Variants in SLC35F1 observed in about 807,000 individuals in gnomAD.
SLC35F1 encodes chromosome 6 open reading frame 169.
In SLC35F1, 14 loss-of-function variants were observed where a neutral mutation model predicts 48.7. The ratio of observed to expected loss-of-function variants is 0.29; its 90% confidence interval spans 0.19 to 0.45. The LOEUF (loss-of-function observed/expected upper bound fraction) is 0.45, where lower values mean the gene tolerates loss of function less well. SLC35F1 is among the 20% of genes least tolerant of loss of function. SLC35F1 has a pLI of 1.00. For missense variants in SLC35F1, 404 were observed against 500.0 expected, an observed-to-expected ratio of 0.81 and a Z score of 1.83; for synonymous variants, 190 against 202.2, an observed-to-expected ratio of 0.94 and a Z score of 0.51.
chr6:118,086,726 T>C (rs1408076917), intron 1 of SLC35F1, among the ~76,000 whole-genome samples: 1 of 152,226 alleles, frequency 6.6e-6, no homozygotes, highest in African/African-American at 2.4e-5. Context: ...TCTTTCCTCT[T>C]ACTGAGGTTT....
intron 1 of SLC35F1, among the ~76,000 whole-genome samples, chr6:117,958,378 CT>C (rs1243890041): frequency 9.9e-5 from 15 of 152,092 alleles, no homozygotes; most frequent in African/African-American, 3.6e-4. Flanking sequence ...ATGAATCACG[CT>C]TATGGTCTAC....
chr6:118,291,834 G>A (rs1449833245), intron 7 of SLC35F1, among the ~76,000 whole-genome samples: 1 of 152,000 alleles, frequency 6.6e-6, no homozygotes, highest in Non-Finnish European at 1.5e-5. Context: ...AAATACTGAT[G>A]TGGCTGGGCA....
In SLC35F1 at chr6:118,316,962, A is replaced by C. The variant is rs548049174; in HGVS notation, c.*2710A>C. ...CAAATTCTTTTTCTGTGTAAAAAAC[A>C]CTGATCCTTTGGGAATGGGGCGGGA... On this transcript the variant is annotated 3_prime_UTR_variant, in exon 8 of 8. Transcript: ENST00000360388. The C allele has an allele frequency of 6.5e-6, 1 of 152,712 alleles. No individual in the cohort carries two copies. Among genetic ancestry groups the C allele is most frequent in the African/African-American group, 2.4e-5 (1 of 41,560 alleles). The allele number at this position is 152,712 out of a possible 1,614,324, so 9.5% of individuals were successfully genotyped here.
chr6:118,163,838 TA>T (rs566003410), intron 2 of SLC35F1, among the ~76,000 whole-genome samples: 1 of 152,328 alleles, frequency 6.6e-6, no homozygotes, highest in South Asian at 2.1e-4. Context: ...AAAAGAATCA[TA>T]ATGGAAGAAC....
intron 2 of SLC35F1, among the ~76,000 whole-genome samples, chr6:118,180,314 G>A (rs1309487463): frequency 6.6e-6 from 1 of 152,012 alleles, no homozygotes; most frequent in Admixed American, 6.6e-5. Flanking sequence ...AGGACTATGA[G>A]CTACTAATTT....
intron 2 of SLC35F1, among the ~76,000 whole-genome samples, chr6:118,206,802 G>A (rs955982640): frequency 6.6e-6 from 1 of 152,080 alleles, no homozygotes; most frequent in East Asian, 1.9e-4. Context: ...TGAACTAGCT[G>A]TACTGTGAGC....
At chr6:118,249,805 C>G (rs371716208) in intron 3 of SLC35F1, among the ~76,000 whole-genome samples, 27 of 152,236 alleles carry the variant, frequency 1.8e-4, no homozygotes, top group African/African-American at 6.3e-4. Context: ...AATTCAAGAG[C>G]CTTTGAACAG....
intron 7 of SLC35F1, among the ~76,000 whole-genome samples, chr6:118,285,897 T>C (rs1289694403): frequency 6.6e-6 from 1 of 152,170 alleles, no homozygotes; most frequent in Non-Finnish European, 1.5e-5. Flanking sequence ...GCATCAGCCC[T>C]GAAGAAAAGA....
intron 2 of SLC35F1, among the ~76,000 whole-genome samples, chr6:118,181,924 A>G (rs1475617603): frequency 6.6e-6 from 1 of 152,194 alleles, no homozygotes; most frequent in East Asian, 1.9e-4. Context: ...TTCAAAATAG[A>G]TAAAGTAAAA....
intron 1 of SLC35F1, among the ~76,000 whole-genome samples, chr6:118,082,452 A>G (rs1427860732): frequency 2.0e-5 from 3 of 152,224 alleles, no homozygotes; most frequent in Non-Finnish European, 2.9e-5. Context: ...ATAGGAGAGG[A>G]GAACTTACGA....
At chr6:117,987,371 TCTC>T (rs1444916283) in intron 1 of SLC35F1, among the ~76,000 whole-genome samples, 1 of 129,720 alleles carries the variant, frequency 7.7e-6, no homozygotes, top group Non-Finnish European at 1.7e-5. Context: ...CCCTTCCTCT[TCTC>T]CTTCTTTTTT....
chr6:117,992,311 T>C (rs1420506287), intron 1 of SLC35F1, among the ~76,000 whole-genome samples: 1 of 152,168 alleles, frequency 6.6e-6, no homozygotes, highest in Non-Finnish European at 1.5e-5. Context: ...TGAAAAAGGA[T>C]GGTGTAAAAA....
chr6:117,957,159 T>A, intron 1 of SLC35F1, among the ~76,000 whole-genome samples: 1 of 152,198 alleles, frequency 6.6e-6, no homozygotes, highest in Non-Finnish European at 1.5e-5. Flanking sequence ...TCAGACATAT[T>A]TCTGGGTAAA....
chr6:118,204,937 C>A (rs1414366715), intron 2 of SLC35F1, among the ~76,000 whole-genome samples: 1 of 152,214 alleles, frequency 6.6e-6, no homozygotes, highest in African/African-American at 2.4e-5. Context: ...AAAGAGCAAG[C>A]AATCCCATGA....
At chr6:117,991,772 C>T (rs1379206743) in intron 1 of SLC35F1, among the ~76,000 whole-genome samples, 1 of 152,164 alleles carries the variant, frequency 6.6e-6, no homozygotes, top group Non-Finnish European at 1.5e-5. Flanking sequence ...GAATAAAAAA[C>T]TTGTCTCACT....
intron 1 of SLC35F1, among the ~76,000 whole-genome samples, chr6:117,931,116 T>G (rs1049956933): frequency 4.6e-5 from 7 of 152,206 alleles, no homozygotes; most frequent in African/African-American, 1.2e-4. Flanking sequence ...ATTATTGGTG[T>G]TGTTCATTGT....
chr6:117,996,107 CTATT>C (rs1776984784), intron 1 of SLC35F1, among the ~76,000 whole-genome samples: 1 of 152,034 alleles, frequency 6.6e-6, no homozygotes, highest in Non-Finnish European at 1.5e-5. Context: ...AAATAATTGT[CTATT>C]TAATATGATT....
chr6:118,174,191 A>G (rs1220214791), intron 2 of SLC35F1, among the ~76,000 whole-genome samples: 4 of 152,310 alleles, frequency 2.6e-5, no homozygotes, highest in Non-Finnish European at 5.9e-5. Flanking sequence ...CATGCAATGA[A>G]GCAAGAAAAT....
intron 1 of SLC35F1, among the ~76,000 whole-genome samples, chr6:118,028,386 A>G (rs751062472): frequency 8.5e-5 from 13 of 152,108 alleles, no homozygotes; most frequent in Non-Finnish European, 1.9e-4. Flanking sequence ...GTAGGGAGGG[A>G]TAATAGGGCT....
Sources: allele counts gnomAD v4.1 joint callset (sites outside exome capture counted in the v4.1 genomes callset), GRCh38; gene constraint gnomAD v4.1.1; transcripts MANE v1.5; gene names NCBI Gene and HGNC (gene_info 2026-07-23, HGNC 2026-07-21).